ATAD2B: variants seen among roughly 807,000 people sequenced by gnomAD.
The protein encoded by ATAD2B is ATPase family AAA domain-containing protein 2B.
ATAD2B carries 40 observed loss-of-function variants against 167.6 expected under a neutral mutation model. The observed-to-expected ratio is 0.24, with a 90% CI of 0.19 to 0.31. The LOEUF (loss-of-function observed/expected upper bound fraction) is 0.31. Among genes scored for constraint, ATAD2B ranks in the 10% least tolerant of loss-of-function variants. ATAD2B has a pLI of 1.00. For synonymous variants in ATAD2B, 579 were observed against 596.5 expected (o/e 0.97, Z 0.43); for missense variants, 1,242 against 1,757.2 (o/e 0.71, Z 5.24).
intron 10 of ATAD2B, among the ~76,000 whole-genome samples, chr2:23,865,639 G>A (rs966614147): frequency 1.2e-4 from 19 of 152,098 alleles, no homozygotes; most frequent in African/African-American, 4.6e-4. Context: ...TGGTTCAAGG[G>A]TAGGGCAAGA....
chr2:23,899,109 T>C (rs1049808050), intron 1 of ATAD2B, among the ~76,000 whole-genome samples: 1 of 151,866 alleles, frequency 6.6e-6, no homozygotes, highest in East Asian at 1.9e-4. Flanking sequence ...GATCATGCCA[T>C]TGCACTCCAG....
chr2:23,795,559 G>C (rs894281127), intron 19 of ATAD2B, among the ~76,000 whole-genome samples: 3 of 152,040 alleles, frequency 2.0e-5, no homozygotes, highest in African/African-American at 7.2e-5. Context: ...CTAAATATTA[G>C]AGATTACTAT....
intron 2 of ATAD2B, among the ~76,000 whole-genome samples, chr2:23,893,153 T>C (rs989072394): frequency 1.3e-4 from 20 of 152,176 alleles, no homozygotes; most frequent in African/African-American, 4.6e-4. Context: ...AAGTTCTAGG[T>C]CCACTTTTAT....
At chr2:23,906,953 T>C (rs1163775637) in intron 1 of ATAD2B, among the ~76,000 whole-genome samples, 1 of 150,690 alleles carries the variant, frequency 6.6e-6, no homozygotes, top group South Asian at 2.1e-4. Flanking sequence ...AATTAGGTAT[T>C]GATGGGACGT....
intron 1 of ATAD2B, among the ~76,000 whole-genome samples, chr2:23,909,854 T>C (rs1029345975): frequency 6.6e-6 from 1 of 151,864 alleles, no homozygotes; most frequent in African/African-American, 2.4e-5. Context: ...GGGTTGTTTT[T>C]TTTTGTTTGT....
At chr2:23,918,782 G>A (rs182471822) in intron 1 of ATAD2B, among the ~76,000 whole-genome samples, 3 of 152,296 alleles carry the variant, frequency 2.0e-5, no homozygotes, top group African/African-American at 7.2e-5. Flanking sequence ...GTGAGGTAAA[G>A]AACTACAGAT....
chr2:23,874,166 G>A (rs532723321), intron 8 of ATAD2B, among the ~76,000 whole-genome samples: 56 of 151,288 alleles, frequency 3.7e-4, no homozygotes, highest in South Asian at 8.4e-4. Flanking sequence ...CAGCCTTGGC[G>A]ACCAGGGAAG....
At chr2:23,811,771 A>C (rs970524290) in intron 17 of ATAD2B, among the ~76,000 whole-genome samples, 2 of 152,182 alleles carry the variant, frequency 1.3e-5, no homozygotes, top group African/African-American at 4.8e-5. Context: ...AAATAAATGT[A>C]GGTTGTTTAT....
intron 17 of ATAD2B, among the ~76,000 whole-genome samples, chr2:23,818,096 T>TAC (rs70941591): frequency 0.096 from 13,316 of 139,378 alleles, 1,049 homozygotes; most frequent in Middle Eastern, 0.13. Flanking sequence ...ACACACACAT[T>TAC]ACACACACAC....
At chr2:23,924,078 G>A (rs1483320859) in intron 1 of ATAD2B, among the ~76,000 whole-genome samples, 5 of 144,504 alleles carry the variant, frequency 3.5e-5, no homozygotes, top group Admixed American at 2.2e-4. Context: ...AGCTACTCGG[G>A]AGGCTGAGGC....
At position 23,863,493 on chromosome 2, in the gene ATAD2B, T is replaced by C. The variant is rs1309743682; in HGVS notation, c.1367A>G (p.Asn456Ser). The change falls in exon 12 of 28, where the codon AAT becomes AGT. Residue 456 changes from asparagine (N) to serine (S), a missense_variant. Physicochemically the swap from Asn to Ser is conservative, Grantham distance 46 (BLOSUM62 1). Transcript: ENST00000238789. ...TTTTTTGTCTCCTTGGCTGCATTCA[T>C]TAGCTAATGCTCTGGCAACCAAGGT... Reference protein sequence around the residue: ...GKTLVARALANECSQGDKKVA... With the variant: ...GKTLVARALASECSQGDKKVA... 3.2e-6 allele frequency: 5 copies of C among 1,566,702 alleles called. No homozygotes were observed. The highest frequency in any genetic ancestry group is 2.4e-5 in the East Asian group (1 of 42,484).
At chr2:23,708,521 A>G in the ATAD2B span, 1 of 152,236 alleles carries the variant, frequency 6.6e-6, no homozygotes, top group Non-Finnish European at 1.5e-5. Context: ...GATATAAAAC[A>G]GGGTTCTCTG....
chr2:23,844,690 C>T (rs1308098222), intron 13 of ATAD2B, among the ~76,000 whole-genome samples: 1 of 151,806 alleles, frequency 6.6e-6, no homozygotes, highest in African/African-American at 2.4e-5. Flanking sequence ...AAATGAAACA[C>T]AGAAAAGATA....
At chr2:23,863,035 G>A (rs1037364612) in intron 12 of ATAD2B, among the ~76,000 whole-genome samples, 1 of 152,146 alleles carries the variant, frequency 6.6e-6, no homozygotes, top group African/African-American at 2.4e-5. Context: ...GTTTGTATTT[G>A]CAGATTAAAC....
chr2:23,896,233 G>A (rs1377389827), intron 1 of ATAD2B, among the ~76,000 whole-genome samples: 1 of 151,298 alleles, frequency 6.6e-6, no homozygotes, highest in Non-Finnish European at 1.5e-5. Context: ...GCTGAAGCAA[G>A]AGAATCGCTT....
intron 13 of ATAD2B, among the ~76,000 whole-genome samples, chr2:23,837,203 C>T (rs141320517): frequency 4.8e-4 from 73 of 152,332 alleles, no homozygotes; most frequent in African/African-American, 1.7e-3. Context: ...CCCAAGAGTG[C>T]GCACAACCAG....
intron 15 of ATAD2B, among the ~76,000 whole-genome samples, chr2:23,824,311 C>A (rs1687916395): frequency 6.6e-6 from 1 of 152,128 alleles, no homozygotes; most frequent in Non-Finnish European, 1.5e-5. Flanking sequence ...ATAATAGTTT[C>A]ATTTCAGTCC....
the ATAD2B span, among the ~76,000 whole-genome samples, chr2:23,722,687 T>G: frequency 6.6e-6 from 1 of 152,070 alleles, no homozygotes; most frequent in African/African-American, 2.4e-5. Context: ...ACCTCCCAAG[T>G]CTTGGGAGAA....
At chr2:23,916,121 A>C (rs1390506428) in intron 1 of ATAD2B, among the ~76,000 whole-genome samples, 2 of 152,212 alleles carry the variant, frequency 1.3e-5, no homozygotes, top group Non-Finnish European at 2.9e-5. Flanking sequence ...CCAGAAGTAC[A>C]TAATGCCCAA....
Sources: allele counts gnomAD v4.1 joint callset (sites outside exome capture counted in the v4.1 genomes callset), GRCh38; gene constraint gnomAD v4.1.1; transcripts MANE v1.5; gene names NCBI Gene and HGNC (gene_info 2026-07-23, HGNC 2026-07-21).